PKHD1L1: variants seen among roughly 807,000 people sequenced by gnomAD.
PKHD1L1 encodes fibrocystin-L.
In PKHD1L1, 434 loss-of-function variants were observed where a neutral mutation model predicts 462.9. That is an observed-to-expected ratio of 0.94 (90% CI 0.87 to 1.02). The LOEUF (loss-of-function observed/expected upper bound fraction) is 1.02. Among genes scored for constraint, PKHD1L1 ranks in the 50% least tolerant of loss-of-function variants. PKHD1L1 has a pLI of 0.00. For missense variants in PKHD1L1, 5,202 were observed against 5,096.1 expected, an observed-to-expected ratio of 1.02 and a Z score of -0.63; for synonymous variants, 1,781 against 1,750.0, an observed-to-expected ratio of 1.02 and a Z score of -0.44.
intron 13 of PKHD1L1, among the ~76,000 whole-genome samples, chr8:109,401,227 A>G (rs1173958180): frequency 2.6e-5 from 4 of 152,190 alleles, no homozygotes; most frequent in Non-Finnish European, 5.9e-5. Flanking sequence ...CTGCAGTTCT[A>G]ATTATGGAAA....
chr8:109,522,750 G>A lies in PKHD1L1; in HGVS notation c.12190G>A (p.Ala4064Thr). ...ATCCCTTGTGCATTCACAGGTGACT[G>A]CCCAGCCAGTTGAAAGGTCTGCATT... Reference protein sequence around the residue: ...PSDSGWIKVTAQPVERSAFPV... With the variant: ...PSDSGWIKVTTQPVERSAFPV... The change falls in exon 75 of 78, where the codon GCC (alanine) becomes ACC (threonine). Residue 4064 changes from alanine to threonine, a missense_variant. Physicochemically the swap from Ala to Thr is moderately conservative, Grantham distance 58. Around this residue, in one of 3 missense-constraint regions of PKHD1L1, gnomAD observed 698 missense variants for 736.3 expected, o/e 0.95. Coordinates refer to ENST00000378402, the MANE Select transcript of PKHD1L1 (RefSeq NM_177531.6). 1 of 1,608,788 alleles carries A rather than the reference G, an allele frequency of 6.2e-7. No homozygotes were observed. Among genetic ancestry groups the A allele is most frequent in the Non-Finnish European group, 8.5e-7 (1 of 1,178,518 alleles).
chr8:109,413,081 G>A (rs921932936), intron 20 of PKHD1L1, among the ~76,000 whole-genome samples: 1 of 152,068 alleles, frequency 6.6e-6, no homozygotes, highest in Admixed American at 6.5e-5. Context: ...TCTTTTCTAT[G>A]TGCATTGGAC....
intron 9 of PKHD1L1, among the ~76,000 whole-genome samples, chr8:109,391,820 T>C (rs1812726417): frequency 6.6e-6 from 1 of 152,164 alleles, no homozygotes; most frequent in Non-Finnish European, 1.5e-5. Context: ...GGAACTGCAA[T>C]TGGTTTGTGA....
chr8:109,375,683 T>G (rs1811781488), intron 2 of PKHD1L1, among the ~76,000 whole-genome samples: 1 of 152,236 alleles, frequency 6.6e-6, no homozygotes, highest in South Asian at 2.1e-4. Context: ...GTTTTTGGTG[T>G]GGATGTCCTT....
chr8:109,436,581 T>C (rs1815428955), intron 30 of PKHD1L1, 122 bp downstream of exon 30: 1 of 1,441,738 alleles, frequency 6.9e-7, no homozygotes, highest in Non-Finnish European at 9.2e-7. Flanking sequence ...GCAGGGTTTC[T>C]ATTATGCTCC....
At chr8:109,460,608 C>T (rs1817068567) in intron 47 of PKHD1L1, among the ~76,000 whole-genome samples, 1 of 152,138 alleles carries the variant, frequency 6.6e-6, no homozygotes, top group Non-Finnish European at 1.5e-5. Flanking sequence ...CTAGTAGCCT[C>T]CTCTAACAAC....
In PKHD1L1 at chr8:109,454,818, A is replaced by G. The variant is rs756985105; in HGVS notation, c.6840A>G (p.Thr2280=). 6 of 1,613,750 alleles carry G rather than the reference A, an allele frequency of 3.7e-6. No homozygotes were observed. Among genetic ancestry groups the G allele is most frequent in the Non-Finnish European group, 3.4e-6 (4 of 1,179,776 alleles). ...SPELPVYGAK[T]LAVREGILDL... is the part of the protein sequence containing the mutation. Reference sequence around the variant, plus strand: ...AGCTCCCTGTCTATGGTGCCAAAACACTGGCTGTGCGGGAGGGAATCCTGG... The same window carrying G: ...AGCTCCCTGTCTATGGTGCCAAAACGCTGGCTGTGCGGGAGGGAATCCTGG... The change falls in exon 45 of 78, where the codon ACA becomes ACG. Residue 2280 remains threonine (T), a synonymous_variant. Coordinates refer to ENST00000378402, the MANE Select transcript of PKHD1L1 (RefSeq NM_177531.6).
At chr8:109,404,952 T>A (rs1255945993) in intron 15 of PKHD1L1, 43 bp from the exon 16 acceptor site, 1 of 1,278,754 alleles carries the variant, frequency 7.8e-7, no homozygotes, top group African/African-American at 1.5e-5. Flanking sequence ...TTAAGATATA[T>A]ATATTTTTCA....
chr8:109,441,965 TTC>T, intron 34 of PKHD1L1, 40 bp from the exon 35 acceptor site: 5 of 1,467,674 alleles, frequency 3.4e-6, no homozygotes, highest in Non-Finnish European at 4.5e-6. Context: ...TATTAAGAAA[TTC>T]TCTTTTTCTT....
At chr8:109,455,989 C>T (rs1661085414) in intron 45 of PKHD1L1, among the ~76,000 whole-genome samples, 1 of 151,818 alleles carries the variant, frequency 6.6e-6, no homozygotes. Context: ...ACATTGTGTC[C>T]CTGTAAAAAA....
In PKHD1L1 at chr8:109,409,932, G is replaced by T. The variant is rs749791424; in HGVS notation, c.2039G>T (p.Gly680Val). Residue 680 changes from glycine (G) to valine (V), a missense_variant, in exon 19 of 78, where the codon GGA becomes GTA. Transcript: ENST00000378402. ...CCACAAATTGCAAATTTTGAAGAAG[G>T]ATTTGTTGTGAAATATTTCAGAGAC... ...CPPQIANFEE[G>V]FVVKYFRDYE... is the part of the protein sequence containing the mutation. 10 of 1,605,886 alleles carry T rather than the reference G, an allele frequency of 6.2e-6. No individual in the cohort carries two copies. In the South Asian group the frequency reaches 8.9e-5, roughly 14 times the overall value.
At chr8:109,523,408 C>CAAAA (rs771109837) in intron 76 of PKHD1L1, 22 bp downstream of exon 76, 1 of 1,591,276 alleles carries the variant, frequency 6.3e-7, no homozygotes, top group Admixed American at 1.7e-5. Context: ...ATTTTGGATC[C>CAAAA]TCACATATAT....
intron 30 of PKHD1L1, among the ~76,000 whole-genome samples, chr8:109,436,693 C>T (rs946416408): frequency 3.3e-5 from 5 of 152,072 alleles, no homozygotes; most frequent in African/African-American, 4.8e-5. Flanking sequence ...GACACATAAA[C>T]TAATATTAAA....
At chr8:109,520,340 G>A (rs1563635135) in intron 73 of PKHD1L1, among the ~76,000 whole-genome samples, 1 of 152,134 alleles carries the variant, frequency 6.6e-6, no homozygotes, top group East Asian at 1.9e-4. Flanking sequence ...AGAAATCCCT[G>A]GTGAGCCCTT....
chr8:109,442,325 T>C (rs1815842403), intron 35 of PKHD1L1, 130 bp downstream of exon 35: 2 of 883,990 alleles, frequency 2.3e-6, no homozygotes, highest in Non-Finnish European at 3.3e-6. Flanking sequence ...TATTTGGCAT[T>C]TTATTGCTGC....
chr8:109,435,934 G>A (rs905311654), intron 29 of PKHD1L1, among the ~76,000 whole-genome samples: 1 of 152,052 alleles, frequency 6.6e-6, no homozygotes, highest in Non-Finnish European at 1.5e-5. Context: ...TTTACTTAGA[G>A]GTATTAAAAT....
chr8:109,484,106 A>T (rs566295654), intron 57 of PKHD1L1, among the ~76,000 whole-genome samples: 48 of 151,958 alleles, frequency 3.2e-4, no homozygotes, highest in African/African-American at 1.1e-3. Context: ...ATCAAAACAT[A>T]TGGTTTTGCT....
At position 109,479,555 on chromosome 8, in the gene PKHD1L1, T is replaced by C. The variant is rs1401288743; in HGVS notation, c.9094T>C (p.Trp3032Arg). 3 of 1,500,608 alleles carry C rather than the reference T, an allele frequency of 2.0e-6. No individual in the cohort carries two copies. Among genetic ancestry groups the C allele is most frequent in the Non-Finnish European group, 2.8e-6 (3 of 1,090,096 alleles). 93.0% of individuals were successfully genotyped at this position (1,500,608 alleles called of 1,614,324 possible). Residue 3032 changes from tryptophan (W) to arginine (R), a missense_variant, in exon 54 of 78, where the codon TGG (tryptophan) becomes CGG (arginine). By Grantham distance (101) the Trp-to-Arg change is moderately radical. Around this residue, in one of 3 missense-constraint regions of PKHD1L1, gnomAD observed 4,497 missense variants for 4,336.8 expected, o/e 1.04. Coordinates refer to ENST00000378402, the MANE Select transcript of PKHD1L1 (RefSeq NM_177531.6). ...PKKRPATYNL[W>R]SNDSFWQSSR... ...GTATTTCTCTTCTCTTTTCAGTTTA[T>C]GGTCAAATGATTCTTTTTGGCAATC...
chr8:109,387,310 T>C (rs969494339), intron 6 of PKHD1L1, among the ~76,000 whole-genome samples: 1 of 152,184 alleles, frequency 6.6e-6, no homozygotes, highest in African/African-American at 2.4e-5. Context: ...GTAAAAAGAA[T>C]TCTAAAAAGT....
Sources: allele counts gnomAD v4.1 joint callset (sites outside exome capture counted in the v4.1 genomes callset), GRCh38; gene constraint gnomAD v4.1.1; regional missense constraint gnomAD v4.1.1; transcripts MANE v1.5; gene names NCBI Gene and HGNC (gene_info 2026-07-23, HGNC 2026-07-21).